The following BANK1 variants were observed in gnomAD, a reference collection of about 807,000 sequenced individuals.
BANK1 encodes B cell scaffold protein with ankyrin repeats 1.
A neutral mutation model predicts 94.5 loss-of-function variants in BANK1; 95 were observed. The ratio of observed to expected loss-of-function variants is 1.00; its 90% confidence interval spans 0.85 to 1.19. The LOEUF (loss-of-function observed/expected upper bound fraction) is 1.19, where lower values mean the gene tolerates loss of function less well. Among genes scored for constraint, BANK1 ranks in the 50% most tolerant of loss-of-function variants. BANK1 has a pLI of 0.00. For synonymous variants in BANK1, 334 were observed against 308.4 expected (o/e 1.08, Z -0.87); for missense variants, 987 against 932.2 (o/e 1.06, Z -0.77).
chr4:101,867,471 A>G (rs1347372312), intron 4 of BANK1, among the ~76,000 whole-genome samples: 1 of 118,768 alleles, frequency 8.4e-6, no homozygotes, highest in Non-Finnish European at 1.8e-5. Context: ...TACGTAAAGA[A>G]AGAGCATAGA....
At chr4:101,814,996 CT>C (rs1437261081) in intron 1 of BANK1, among the ~76,000 whole-genome samples, 3 of 152,074 alleles carry the variant, frequency 2.0e-5, no homozygotes. Flanking sequence ...ATAAATAACC[CT>C]CTTCAATGTT....
At chr4:101,826,739 T>A (rs1726381216) in intron 1 of BANK1, among the ~76,000 whole-genome samples, 1 of 152,014 alleles carries the variant, frequency 6.6e-6, no homozygotes, top group Admixed American at 6.6e-5. Flanking sequence ...GATTCCCATA[T>A]GTTTTCTGCC....
intron 7 of BANK1, among the ~76,000 whole-genome samples, chr4:102,009,988 T>C (rs113067707): frequency 0.012 from 1,879 of 152,252 alleles, 44 homozygotes; most frequent in African/African-American, 0.041. Context: ...AGTCTGTGGC[T>C]GGGTGCCGTG....
chr4:101,912,072 AG>A (rs1452789474), intron 6 of BANK1, among the ~76,000 whole-genome samples: 1 of 152,054 alleles, frequency 6.6e-6, no homozygotes, highest in Non-Finnish European at 1.5e-5. Context: ...CACACAGAGG[AG>A]GTAGGGCAGA....
At chr4:101,816,930 G>A (rs1390536249) in intron 1 of BANK1, among the ~76,000 whole-genome samples, 1 of 152,082 alleles carries the variant, frequency 6.6e-6, no homozygotes, top group Non-Finnish European at 1.5e-5. Flanking sequence ...ATAAGGAATG[G>A]TATTCCTCCA....
chr4:101,829,253 T>TA (rs1726509784), intron 1 of BANK1, among the ~76,000 whole-genome samples: 2 of 152,188 alleles, frequency 1.3e-5, no homozygotes, highest in Non-Finnish European at 2.9e-5. Context: ...TTTCAAGGAT[T>TA]TTAAAAATTA....
At chr4:101,821,346 G>A (rs1488709853) in intron 1 of BANK1, among the ~76,000 whole-genome samples, 1 of 152,138 alleles carries the variant, frequency 6.6e-6, no homozygotes, top group Non-Finnish European at 1.5e-5. Flanking sequence ...ATAGGTGCTC[G>A]ATATTTGACC....
intron 1 of BANK1, among the ~76,000 whole-genome samples, chr4:101,816,861 G>A (rs931885096): frequency 6.6e-6 from 1 of 152,098 alleles, no homozygotes; most frequent in Admixed American, 6.5e-5. Context: ...ATTAATCTCA[G>A]TCTGGATCCA....
chr4:101,918,694 T>C (rs892001415), intron 7 of BANK1, among the ~76,000 whole-genome samples: 1 of 152,056 alleles, frequency 6.6e-6, no homozygotes, highest in Middle Eastern at 3.4e-3. Context: ...CTTTGGAAAA[T>C]ATAATGGGAC....
intron 1 of BANK1, among the ~76,000 whole-genome samples, chr4:101,828,054 A>C (rs1460619448): frequency 5.9e-5 from 9 of 151,850 alleles, no homozygotes. Flanking sequence ...AACTATAAAC[A>C]CATGCACACT....
At chr4:101,840,069 C>A (rs1389429831) in intron 2 of BANK1, among the ~76,000 whole-genome samples, 1 of 138,030 alleles carries the variant, frequency 7.2e-6, no homozygotes, top group African/African-American at 2.6e-5. Flanking sequence ...CCCGGGTTCA[C>A]GCCATTCTCC....
chr4:101,927,663 A>G (rs1723209814), intron 7 of BANK1, among the ~76,000 whole-genome samples: 1 of 151,660 alleles, frequency 6.6e-6, no homozygotes, highest in Non-Finnish European at 1.5e-5. Flanking sequence ...TGGTGGTGGA[A>G]TATAAAAGAA....
chr4:101,797,487 C>A (rs769207480), intron 1 of BANK1, among the ~76,000 whole-genome samples: 3 of 152,036 alleles, frequency 2.0e-5, no homozygotes, highest in Non-Finnish European at 4.4e-5. Flanking sequence ...TGGAAAAGGG[C>A]AGCAATGGAA....
At chr4:101,971,936 C>A (rs1470096876) in intron 7 of BANK1, among the ~76,000 whole-genome samples, 1 of 151,892 alleles carries the variant, frequency 6.6e-6, no homozygotes, top group East Asian at 1.9e-4. Flanking sequence ...TTACTTTGTT[C>A]TTTTTGTACA....
intron 7 of BANK1, among the ~76,000 whole-genome samples, chr4:101,919,696 G>A (rs921138883): frequency 6.6e-6 from 1 of 151,878 alleles, no homozygotes; most frequent in Admixed American, 6.6e-5. Context: ...TAGTATCTTT[G>A]TAAGCTGTTA....
intron 5 of BANK1, among the ~76,000 whole-genome samples, chr4:101,876,897 G>A (rs891559560): frequency 1.3e-5 from 2 of 152,070 alleles, no homozygotes; most frequent in African/African-American, 4.8e-5. Context: ...GAAAAATGAA[G>A]TTGGCATAAT....
chr4:101,941,961 C>G (rs1443233949), intron 7 of BANK1, among the ~76,000 whole-genome samples: 1 of 151,760 alleles, frequency 6.6e-6, no homozygotes, highest in Non-Finnish European at 1.5e-5. Flanking sequence ...GAAAATAGAA[C>G]AGTAGAGCAC....
intron 7 of BANK1, among the ~76,000 whole-genome samples, chr4:102,015,281 T>C (rs1023782877): frequency 1.3e-5 from 2 of 152,158 alleles, no homozygotes; most frequent in African/African-American, 4.8e-5. Flanking sequence ...TGGTATCTTT[T>C]TGACTTAATT....
chr4:101,802,337 C>G (rs944016314), intron 1 of BANK1, among the ~76,000 whole-genome samples: 2 of 152,106 alleles, frequency 1.3e-5, no homozygotes, highest in South Asian at 2.1e-4. Flanking sequence ...CTAATTGATG[C>G]CTGAAGTAAT....
Sources: gnomAD v4.1 joint callset for allele counts (sites outside exome capture counted in the v4.1 genomes callset) on GRCh38, gnomAD v4.1.1 for gene constraint, MANE v1.5 for transcripts, NCBI Gene and HGNC (gene_info 2026-07-23, HGNC 2026-07-21) for gene names.